Variants in CAP2 observed in about 807,000 individuals in gnomAD.
CAP2 encodes the protein cyclase associated actin cytoskeleton regulatory protein 2, also known as adenylyl cyclase-associated protein 2.
A neutral mutation model predicts 57.7 loss-of-function variants in CAP2; 24 were observed. The ratio of observed to expected loss-of-function variants is 0.42; its 90% CI spans 0.30 to 0.58. The LOEUF is 0.58. Among genes scored for constraint, CAP2 ranks in the 20% least tolerant of loss-of-function variants. CAP2 has a pLI of 0.22. For synonymous variants in CAP2, 194 were observed against 207.2 expected (o/e 0.94, Z 0.55); for missense variants, 501 against 590.3 (o/e 0.85, Z 1.57).
chr6:17,533,078 C>CAAAAAAAAAAAAAAAAAAAAAAA (rs58337644), intron 7 of CAP2, among the ~76,000 whole-genome samples: 1 of 87,556 alleles, frequency 1.1e-5, no homozygotes, highest in Admixed American at 1.4e-4. Context: ...CACCCCCCAC[C>CAAAAAAAAAAAAAAAAAAAAAAA]AAAAAAAAAA....
chr6:17,414,447 CTT>C (rs889474562), intron 1 of CAP2, among the ~76,000 whole-genome samples: 3 of 152,202 alleles, frequency 2.0e-5, no homozygotes, highest in South Asian at 2.1e-4. Context: ...TTGTTTCTCT[CTT>C]TGTGTCCATG....
intron 7 of CAP2, among the ~76,000 whole-genome samples, chr6:17,523,106 G>A (rs1200638610): frequency 2.0e-5 from 3 of 152,204 alleles, no homozygotes; most frequent in East Asian, 1.9e-4. Context: ...AGATGGAGAG[G>A]GGAAGAGATT....
chr6:17,490,752 T>A (rs372592338), intron 4 of CAP2, among the ~76,000 whole-genome samples: 1 of 152,072 alleles, frequency 6.6e-6, no homozygotes. Flanking sequence ...TTGCTGGAGT[T>A]TGGGGACTTT....
intron 8 of CAP2, among the ~76,000 whole-genome samples, 187 bp downstream of exon 8, chr6:17,539,645 AG>A (rs984634197): frequency 6.6e-6 from 1 of 152,212 alleles, no homozygotes; most frequent in Admixed American, 6.5e-5. Context: ...AGACGGGCTC[AG>A]GGGGTCACTG....
At chr6:17,551,220 C>T (rs1044521324) in intron 11 of CAP2, among the ~76,000 whole-genome samples, 9 of 152,146 alleles carry the variant, frequency 5.9e-5, no homozygotes, top group South Asian at 2.1e-4. Context: ...AATTTTGTCT[C>T]AGGAAAGAGA....
chr6:17,468,332 A>G (rs1381847709), intron 4 of CAP2, among the ~76,000 whole-genome samples: 1 of 152,194 alleles, frequency 6.6e-6, no homozygotes, highest in Non-Finnish European at 1.5e-5. Context: ...TAATACTAGG[A>G]CATTTCAACA....
At chr6:17,522,518 A>G (rs1232833684) in intron 7 of CAP2, among the ~76,000 whole-genome samples, 3 of 152,266 alleles carry the variant, frequency 2.0e-5, no homozygotes, top group African/African-American at 7.2e-5. Flanking sequence ...GAAGAGCCAC[A>G]AAAGGGCTGA....
chr6:17,490,248 T>C (rs1168447007), intron 4 of CAP2, among the ~76,000 whole-genome samples: 2 of 152,198 alleles, frequency 1.3e-5, no homozygotes, highest in African/African-American at 4.8e-5. Flanking sequence ...CATCTCCAGA[T>C]ATCTCCAAAA....
chr6:17,460,655 A>C (rs1285608578), intron 3 of CAP2, among the ~76,000 whole-genome samples: 1 of 152,190 alleles, frequency 6.6e-6, no homozygotes, highest in Non-Finnish European at 1.5e-5. Context: ...TTAACCTTAG[A>C]ATGATCTTTT....
chr6:17,504,994 T>C (rs1761940154), intron 4 of CAP2, among the ~76,000 whole-genome samples: 1 of 152,212 alleles, frequency 6.6e-6, no homozygotes, highest in Non-Finnish European at 1.5e-5. Context: ...AACAAATGAA[T>C]ATCACATATT....
At chr6:17,504,078 T>C (rs1761911212) in intron 4 of CAP2, among the ~76,000 whole-genome samples, 1 of 152,200 alleles carries the variant, frequency 6.6e-6, no homozygotes, top group Admixed American at 6.5e-5. Context: ...TCCCTCAGCA[T>C]ATGTCAGTTA....
At chr6:17,488,742 T>A (rs559688950) in intron 4 of CAP2, among the ~76,000 whole-genome samples, 2 of 152,208 alleles carry the variant, frequency 1.3e-5, no homozygotes, top group Non-Finnish European at 2.9e-5. Flanking sequence ...CATCTCCTTA[T>A]AGAGCTGCAG....
At chr6:17,517,914 T>C (rs1762305900) in intron 7 of CAP2, among the ~76,000 whole-genome samples, 1 of 151,824 alleles carries the variant, frequency 6.6e-6, no homozygotes, top group African/African-American at 2.4e-5. Context: ...AATAAATAAA[T>C]AAATAAATAA....
intron 4 of CAP2, among the ~76,000 whole-genome samples, chr6:17,483,586 C>A (rs948575576): frequency 1.3e-5 from 2 of 152,064 alleles, no homozygotes; most frequent in Non-Finnish European, 2.9e-5. Context: ...GGGCTTAGGC[C>A]CCTGTGAGAA....
intron 4 of CAP2, among the ~76,000 whole-genome samples, chr6:17,465,561 A>C (rs1332896165): frequency 6.6e-6 from 1 of 151,902 alleles, no homozygotes; most frequent in Non-Finnish European, 1.5e-5. Context: ...CCGTCCTACT[A>C]CTTCCACCTG....
At chr6:17,426,832 T>C in intron 3 of CAP2, 142 bp downstream of exon 3, 1 of 644,260 alleles carries the variant, frequency 1.6e-6, no homozygotes, top group South Asian at 1.9e-5. Flanking sequence ...AAACATTCAT[T>C]TACCCATTTA....
intron 1 of CAP2, among the ~76,000 whole-genome samples, chr6:17,406,398 C>CTTTTTTTTTTTTTTTTT (rs777803474): frequency 0.11 from 10,739 of 100,854 alleles, 1,408 homozygotes; most frequent in Non-Finnish European, 0.14. Flanking sequence ...GCCCAGATTT[C>CTTTTTTTTTTTTTTTTT]TTTTTTTTTT....
chr6:17,465,632 G>A (rs1350133878), intron 4 of CAP2, among the ~76,000 whole-genome samples: 2 of 152,182 alleles, frequency 1.3e-5, no homozygotes, highest in African/African-American at 4.8e-5. Context: ...CACTCCAGTG[G>A]GGATGGTACA....
At chr6:17,491,914 A>G (rs146170151) in intron 4 of CAP2, among the ~76,000 whole-genome samples, 2,651 of 152,352 alleles carry the variant, frequency 0.017, 35 homozygotes, top group Middle Eastern at 0.031. Flanking sequence ...GATGATAGTC[A>G]TCCCACAGGA....
Sources: gnomAD v4.1 joint callset for allele counts (sites outside exome capture counted in the v4.1 genomes callset) on GRCh38, gnomAD v4.1.1 for gene constraint, MANE v1.5 for transcripts, NCBI Gene and HGNC (gene_info 2026-07-23, HGNC 2026-07-21) for gene names.